MTUS2: variants seen among roughly 807,000 people sequenced by gnomAD.
MTUS2 encodes the protein microtubule-associated tumor suppressor candidate 2.
Under a neutral mutation model 114.1 loss-of-function variants are expected in MTUS2, and 40 were observed. The observed-to-expected ratio is 0.35, with a 90% CI of 0.27 to 0.46. The LOEUF is 0.46. Ranked by LOEUF, MTUS2 falls within the 20% of genes least tolerant of loss-of-function variation. The pLI is 1.00. For synonymous variants in MTUS2, 688 were observed against 672.0 expected, an observed-to-expected ratio of 1.02 and a Z score of -0.37; for missense variants, 1,679 against 1,705.4, an observed-to-expected ratio of 0.98 and a Z score of 0.27.
chr13:28,850,638 T>G (rs1423160303), intron 2 of MTUS2, among the ~76,000 whole-genome samples: 10 of 152,230 alleles, frequency 6.6e-5, no homozygotes, highest in Non-Finnish European at 1.5e-4. Context: ...AAGGGACTTG[T>G]GAAAATGAAG....
chr13:29,181,842 G>A (rs1894020203), intron 5 of MTUS2, among the ~76,000 whole-genome samples: 1 of 150,452 alleles, frequency 6.6e-6, no homozygotes, highest in Admixed American at 6.6e-5. Context: ...GTTTGATCAG[G>A]ACATTTTTGA....
At chr13:29,258,103 A>G (rs1239771361) in intron 5 of MTUS2, among the ~76,000 whole-genome samples, 5 of 152,254 alleles carry the variant, frequency 3.3e-5, no homozygotes, top group African/African-American at 7.2e-5. Flanking sequence ...GCTCACATGC[A>G]GAAGAGCTGA....
intron 2 of MTUS2, among the ~76,000 whole-genome samples, chr13:28,956,054 G>GC (rs35847187): frequency 0.013 from 1,823 of 140,100 alleles, 32 homozygotes; most frequent in Admixed American, 0.055. Context: ...TCTGTCTCTT[G>GC]CCCCCCCCCA....
At chr13:28,978,820 T>C (rs4769651) in intron 2 of MTUS2, among the ~76,000 whole-genome samples, 26,652 of 152,182 alleles carry the variant, frequency 0.18, 2,885 homozygotes, top group East Asian at 0.51. Flanking sequence ...CTCTACACTA[T>C]CTGCCCAGGT....
intron 2 of MTUS2, among the ~76,000 whole-genome samples, chr13:28,873,119 T>G: frequency 6.6e-6 from 1 of 152,188 alleles, no homozygotes. Flanking sequence ...AAAATAAATA[T>G]ATTTTTAGAC....
chr13:29,060,600 A>T (rs1407122364), intron 4 of MTUS2, among the ~76,000 whole-genome samples: 2 of 71,724 alleles, frequency 2.8e-5, no homozygotes, highest in Admixed American at 1.5e-4. Context: ...TCGGTCTTTT[A>T]CTTTTAATCT....
At chr13:28,990,861 A>G (rs1210169226) in intron 2 of MTUS2, among the ~76,000 whole-genome samples, 1 of 149,878 alleles carries the variant, frequency 6.7e-6, no homozygotes, top group Non-Finnish European at 1.5e-5. Flanking sequence ...ACTCACTGCG[A>G]GGGTCTGCGG....
At chr13:29,362,972 C>T (rs1853410874) in intron 8 of MTUS2, among the ~76,000 whole-genome samples, 2 of 152,196 alleles carry the variant, frequency 1.3e-5, no homozygotes, top group African/African-American at 4.8e-5. Context: ...CAACAGCAGC[C>T]TCACACTTGT....
chr13:29,217,889 A>G (rs938844779), intron 5 of MTUS2, among the ~76,000 whole-genome samples: 3 of 152,204 alleles, frequency 2.0e-5, no homozygotes, highest in Non-Finnish European at 4.4e-5. Flanking sequence ...AGGCCAAGTC[A>G]GGAAGATTGC....
chr13:28,876,059 G>T (rs1877909892), intron 2 of MTUS2, among the ~76,000 whole-genome samples: 1 of 152,200 alleles, frequency 6.6e-6, no homozygotes, highest in Non-Finnish European at 1.5e-5. Context: ...TCTGAGGAGG[G>T]TGGTAGCTCC....
chr13:29,207,388 T>G (rs1465870843), intron 5 of MTUS2, among the ~76,000 whole-genome samples: 1 of 152,180 alleles, frequency 6.6e-6, no homozygotes, highest in Non-Finnish European at 1.5e-5. Flanking sequence ...GTTTCACTTC[T>G]TCTTTACTGA....
chr13:28,890,598 G>T (rs1878862661), intron 2 of MTUS2, among the ~76,000 whole-genome samples: 2 of 152,152 alleles, frequency 1.3e-5, no homozygotes, highest in South Asian at 2.1e-4. Context: ...CAGAATGCTA[G>T]TCTTCTTAGT....
chr13:29,349,684 T>C (rs1373904275), intron 7 of MTUS2, among the ~76,000 whole-genome samples: 1 of 152,184 alleles, frequency 6.6e-6, no homozygotes, highest in African/African-American at 2.4e-5. Context: ...TTAAAGATGC[T>C]GTTTTAGTGA....
At chr13:28,987,403 A>T (rs1884637858) in intron 2 of MTUS2, among the ~76,000 whole-genome samples, 1 of 151,944 alleles carries the variant, frequency 6.6e-6, no homozygotes, top group Admixed American at 6.6e-5. Context: ...AGCCTACTAG[A>T]GGGGGAGAAA....
At chr13:29,241,551 A>G (rs1391135899) in intron 5 of MTUS2, among the ~76,000 whole-genome samples, 1 of 152,090 alleles carries the variant, frequency 6.6e-6, no homozygotes, top group African/African-American at 2.4e-5. Flanking sequence ...CCCAGGTGGA[A>G]TTGACATTTC....
At chr13:29,038,709 G>A (rs549272165) in intron 4 of MTUS2, among the ~76,000 whole-genome samples, 2 of 152,226 alleles carry the variant, frequency 1.3e-5, no homozygotes, top group Non-Finnish European at 2.9e-5. Flanking sequence ...CCCTTACTGG[G>A]GCTGCTGCCT....
intron 2 of MTUS2, among the ~76,000 whole-genome samples, chr13:28,862,374 G>A (rs368984457): frequency 6.6e-6 from 1 of 152,210 alleles, no homozygotes; most frequent in Admixed American, 6.5e-5. Context: ...ACTTTGGAAG[G>A]CCGAGGCGGG....
intron 4 of MTUS2, among the ~76,000 whole-genome samples, chr13:29,093,177 G>A (rs189048893): frequency 3.9e-4 from 60 of 152,338 alleles, no homozygotes; most frequent in Middle Eastern, 3.4e-3. Context: ...GGGTGCTGTA[G>A]CTCATGCCTG....
chr13:29,302,978 T>C (rs1899274661), intron 6 of MTUS2, among the ~76,000 whole-genome samples: 1 of 152,196 alleles, frequency 6.6e-6, no homozygotes, highest in East Asian at 1.9e-4. Flanking sequence ...TGTTTTGTGC[T>C]CTTCACTGGT....
Sources: allele counts gnomAD v4.1 joint callset (sites outside exome capture counted in the v4.1 genomes callset), GRCh38; gene constraint gnomAD v4.1.1; transcripts MANE v1.5; gene names NCBI Gene and HGNC (gene_info 2026-07-23, HGNC 2026-07-21).